Variants in SAMD3 observed in about 807,000 individuals in gnomAD.
SAMD3 encodes sterile alpha motif domain containing 3.
In SAMD3, 63 loss-of-function variants were observed where a neutral mutation model predicts 58.5. The ratio of observed to expected loss-of-function variants is 1.08; its 90% CI spans 0.88 to 1.33. The LOEUF is 1.33. Among genes scored for constraint, SAMD3 ranks in the 40% most tolerant of loss-of-function variants. The probability of loss-of-function intolerance (pLI) is 0.00; values close to 1 mark genes in which losing one functional copy is unlikely to be tolerated. For missense variants in SAMD3, 604 were observed against 608.4 expected, an observed-to-expected ratio of 0.99 and a Z score of 0.08; for synonymous variants, 220 against 210.3, an observed-to-expected ratio of 1.05 and a Z score of -0.40.
At chr6:130,353,642 A>C (rs983058095) in intron 1 of SAMD3, among the ~76,000 whole-genome samples, 4 of 152,190 alleles carry the variant, frequency 2.6e-5, no homozygotes, top group African/African-American at 9.6e-5. Flanking sequence ...GTTATCCAAA[A>C]TAAGCTTTGA....
intron 2 of SAMD3, among the ~76,000 whole-genome samples, chr6:130,248,350 A>C (rs909207158): frequency 2.0e-5 from 3 of 152,078 alleles, no homozygotes; most frequent in Admixed American, 6.6e-5. Context: ...CTAGATCAAA[A>C]CCATGCTGCA....
intron 8 of SAMD3, among the ~76,000 whole-genome samples, chr6:130,171,389 C>A (rs957556771): frequency 1.3e-5 from 2 of 151,850 alleles, no homozygotes; most frequent in African/African-American, 4.8e-5. Context: ...GGGATATTGG[C>A]CTGAAATCTT....
intron 7 of SAMD3, among the ~76,000 whole-genome samples, chr6:130,179,844 G>A (rs369420910): frequency 9.9e-4 from 117 of 118,676 alleles, no homozygotes; most frequent in African/African-American, 3.6e-3. Context: ...ATGAAGTCTC[G>A]CTCTTGTCCC....
At chr6:130,324,624 T>G (rs1243539452) in intron 1 of SAMD3, among the ~76,000 whole-genome samples, 1 of 152,192 alleles carries the variant, frequency 6.6e-6, no homozygotes, top group Non-Finnish European at 1.5e-5. Context: ...AGAAAGTAGG[T>G]TAAAATGCTG....
intron 2 of SAMD3, among the ~76,000 whole-genome samples, chr6:130,264,186 A>C (rs1019748992): frequency 6.6e-6 from 1 of 152,188 alleles, no homozygotes; most frequent in African/African-American, 2.4e-5. Flanking sequence ...GCTGCATGGT[A>C]GCTCTTTTCC....
chr6:130,224,986 T>C (rs899968894), upstream of SAMD3, among the ~76,000 whole-genome samples: 2 of 152,062 alleles, frequency 1.3e-5, no homozygotes, highest in Non-Finnish European at 2.9e-5. Context: ...TAGTCCATCA[T>C]TAAATATGAG....
At chr6:130,359,470 T>A (rs970094899) in intron 1 of SAMD3, among the ~76,000 whole-genome samples, 5 of 152,220 alleles carry the variant, frequency 3.3e-5, no homozygotes, top group African/African-American at 1.2e-4. Context: ...TTCTGTTACA[T>A]CCTTGTCTAC....
chr6:130,147,980 A>G (rs1788788120), intron 9 of SAMD3, among the ~76,000 whole-genome samples: 2 of 152,222 alleles, frequency 1.3e-5, no homozygotes, highest in South Asian at 2.1e-4. Context: ...ATTGGAGATA[A>G]TTTTTATTAC....
At chr6:130,197,162 C>G (rs549608365) in intron 5 of SAMD3, among the ~76,000 whole-genome samples, 84 of 152,372 alleles carry the variant, frequency 5.5e-4, no homozygotes, top group African/African-American at 1.9e-3. Context: ...CTACAAGGTA[C>G]AGCCCATTTG....
At chr6:130,308,423 CTATTCTAT>C (rs1776019566) in intron 2 of SAMD3, among the ~76,000 whole-genome samples, 1 of 127,426 alleles carries the variant, frequency 7.8e-6, no homozygotes, top group Non-Finnish European at 1.8e-5. Flanking sequence ...CTATTCTATT[CTATTCTAT>C]TCTATTCTTT....
intron 2 of SAMD3, among the ~76,000 whole-genome samples, chr6:130,285,726 G>T (rs183613245): frequency 2.8e-4 from 42 of 152,276 alleles, no homozygotes; most frequent in Admixed American, 1.6e-3. Flanking sequence ...ATCTTATTAT[G>T]CCCAGTGACA....
chr6:130,365,503 G>A, upstream of SAMD3: 10 of 985,386 alleles, frequency 1.0e-5, no homozygotes, highest in Non-Finnish European at 1.2e-5. Flanking sequence ...CGGCATCTGA[G>A]GAGAAAGCGT....
chr6:130,315,984 G>C (rs891044862), intron 1 of SAMD3, among the ~76,000 whole-genome samples: 3 of 152,140 alleles, frequency 2.0e-5, no homozygotes, highest in African/African-American at 7.2e-5. Context: ...CACTCTCAAA[G>C]AGACTAAAAG....
At chr6:130,358,759 AC>A (rs1777905354) in intron 1 of SAMD3, among the ~76,000 whole-genome samples, 1 of 150,988 alleles carries the variant, frequency 6.6e-6, no homozygotes, top group African/African-American at 2.5e-5. Context: ...ACACACACAC[AC>A]ATTTTAACAA....
intron 1 of SAMD3, among the ~76,000 whole-genome samples, chr6:130,363,890 T>A (rs1199309091): frequency 2.0e-5 from 3 of 152,224 alleles, no homozygotes; most frequent in Non-Finnish European, 4.4e-5. Flanking sequence ...AAAGCCGATG[T>A]GTAGCTGAAT....
intron 1 of SAMD3, among the ~76,000 whole-genome samples, chr6:130,329,040 C>G (rs1414499848): frequency 6.8e-6 from 1 of 146,168 alleles, no homozygotes; most frequent in Non-Finnish European, 1.5e-5. Flanking sequence ...ATCTCTCTCT[C>G]TCCCTCTCTC....
chr6:130,212,589 C>T (rs6569665), intron 4 of SAMD3, among the ~76,000 whole-genome samples: 119,483 of 152,240 alleles, frequency 0.78, 47,280 homozygotes, highest in African/African-American at 0.87. Context: ...CTTTTCACAA[C>T]GTACGGATGA....
chr6:130,313,207 A>G (rs1776242217), intron 1 of SAMD3: 1 of 152,172 alleles, frequency 6.6e-6, no homozygotes, highest in African/African-American at 2.4e-5. Flanking sequence ...GGGCTTGGAG[A>G]GTACACTTTG....
intron 2 of SAMD3, among the ~76,000 whole-genome samples, chr6:130,289,614 C>G (rs951136554): frequency 6.6e-6 from 1 of 152,206 alleles, no homozygotes. Context: ...ATTCCCCTGC[C>G]TCAGCCTCCT....
Sources: allele counts gnomAD v4.1 joint callset (sites outside exome capture counted in the v4.1 genomes callset), GRCh38; gene constraint gnomAD v4.1.1; transcripts MANE v1.5; gene names NCBI Gene and HGNC (gene_info 2026-07-23, HGNC 2026-07-21).